The following CTNNA3 variants were observed in gnomAD, a reference collection of about 807,000 sequenced individuals.
The protein encoded by CTNNA3 is catenin alpha-3.
CTNNA3 carries 76 observed loss-of-function variants against 95.7 expected under a neutral mutation model. The observed-to-expected ratio is 0.79, with a 90% CI of 0.66 to 0.96. CTNNA3 has a LOEUF of 0.96. CTNNA3 is among the 40% of genes least tolerant of loss of function. The pLI is 0.00. For synonymous variants in CTNNA3, 431 were observed against 374.4 expected, an observed-to-expected ratio of 1.15 and a Z score of -1.74; for missense variants, 1,191 against 1,089.8, an observed-to-expected ratio of 1.09 and a Z score of -1.31.
chr10:67,383,388 C>T (rs1403054653), intron 5 of CTNNA3, among the ~76,000 whole-genome samples: 1 of 152,088 alleles, frequency 6.6e-6, no homozygotes, highest in Non-Finnish European at 1.5e-5. Context: ...AAAGTATTGC[C>T]ATACCCATCT....
chr10:66,334,522 G>A (rs1490072168), intron 12 of CTNNA3, among the ~76,000 whole-genome samples: 1 of 151,884 alleles, frequency 6.6e-6, no homozygotes, highest in Non-Finnish European at 1.5e-5. Flanking sequence ...GAAATTCTGG[G>A]TTGAAAATTC....
intron 9 of CTNNA3, among the ~76,000 whole-genome samples, chr10:66,690,929 A>C (rs890339061): frequency 1.3e-5 from 2 of 152,198 alleles, no homozygotes; most frequent in Non-Finnish European, 2.9e-5. Flanking sequence ...ACTAGTTTGC[A>C]GTCCCACCAA....
intron 5 of CTNNA3, among the ~76,000 whole-genome samples, chr10:67,463,663 G>T (rs1191357569): frequency 6.6e-6 from 1 of 152,010 alleles, no homozygotes; most frequent in African/African-American, 2.4e-5. Context: ...TATAAATAAG[G>T]TTTATTTAAA....
At chr10:67,074,275 C>G (rs555517936) in intron 7 of CTNNA3, among the ~76,000 whole-genome samples, 68 of 151,376 alleles carry the variant, frequency 4.5e-4, no homozygotes, top group Middle Eastern at 3.4e-3. Context: ...CATGATCTGC[C>G]CGCCTTGGCC....
chr10:66,340,573 A>G (rs1033175797), intron 12 of CTNNA3, among the ~76,000 whole-genome samples: 2 of 151,792 alleles, frequency 1.3e-5, no homozygotes, highest in African/African-American at 2.4e-5. Flanking sequence ...TTCTATTCTA[A>G]TAAGATTCAT....
intron 7 of CTNNA3, among the ~76,000 whole-genome samples, chr10:66,902,611 T>A (rs1845801113): frequency 6.6e-6 from 1 of 151,880 alleles, no homozygotes; most frequent in African/African-American, 2.4e-5. Context: ...TTTGAAAAGA[T>A]CAACAAAATT....
chr10:67,258,005 ATGTG>A (rs1272070352), intron 5 of CTNNA3, among the ~76,000 whole-genome samples: 1 of 152,212 alleles, frequency 6.6e-6, no homozygotes, highest in Non-Finnish European at 1.5e-5. Context: ...TAAGGGCCTA[ATGTG>A]TGTGTCAGAC....
chr10:66,927,212 A>G lies in CTNNA3; in HGVS notation c.1048-151688T>C, dbSNP rs751097102. ...TACCTTGACCATAACCATATCAGCA[A>G]TATTGACGAAAATGCTTTTAATGGA... On this transcript the variant is annotated intron_variant, in intron 7 of 17. Transcript: ENST00000433211. The surrounding 1 kb of genome is among the most constrained non-coding windows in gnomAD (Gnocchi z 4.7). 3 of 1,614,218 alleles carry G rather than the reference A, an allele frequency of 1.9e-6. No individual in the cohort carries two copies. Among genetic ancestry groups the G allele is most frequent in the Non-Finnish European group, 2.5e-6 (3 of 1,180,036 alleles).
At chr10:67,302,024 AAAGAAAGAAAG>A (rs1840327752) in intron 5 of CTNNA3, among the ~76,000 whole-genome samples, 1 of 40,102 alleles carries the variant, frequency 2.5e-5, no homozygotes, top group Non-Finnish European at 4.3e-5. Flanking sequence ...AGAAAGAAAG[AAAGAAAGAAAG>A]AAAGAAAGAA....
chr10:67,705,903 C>T (rs556554328), intron 1 of CTNNA3, among the ~76,000 whole-genome samples: 8 of 151,868 alleles, frequency 5.3e-5, no homozygotes, highest in Admixed American at 1.3e-4. Flanking sequence ...TTAACTAGAG[C>T]GAAGTCTGGT....
At chr10:67,258,711 G>A (rs1866460465) in intron 5 of CTNNA3, among the ~76,000 whole-genome samples, 1 of 152,040 alleles carries the variant, frequency 6.6e-6, no homozygotes. Flanking sequence ...TTAAAAATTA[G>A]TCACTTTCTC....
At chr10:67,559,730 A>G (rs1301460357) in intron 3 of CTNNA3, among the ~76,000 whole-genome samples, 2 of 152,176 alleles carry the variant, frequency 1.3e-5, no homozygotes, top group Non-Finnish European at 2.9e-5. Context: ...AAGAAGTTAA[A>G]AACTTTGAAA....
intron 7 of CTNNA3, among the ~76,000 whole-genome samples, chr10:66,963,934 C>T (rs897907624): frequency 6.6e-6 from 1 of 151,932 alleles, no homozygotes; most frequent in Non-Finnish European, 1.5e-5. Flanking sequence ...CCTCCAACTC[C>T]CTGGTTCAAG....
chr10:66,785,688 G>T (rs1840713256), intron 7 of CTNNA3, among the ~76,000 whole-genome samples: 1 of 152,130 alleles, frequency 6.6e-6, no homozygotes, highest in Non-Finnish European at 1.5e-5. Flanking sequence ...AAGTTCTCCA[G>T]CTTGCACACA....
intron 12 of CTNNA3, among the ~76,000 whole-genome samples, chr10:66,293,399 T>C (rs1045220280): frequency 2.0e-5 from 3 of 151,352 alleles, no homozygotes; most frequent in Non-Finnish European, 4.4e-5. Flanking sequence ...AAAAGTAGAG[T>C]TGAGATTGTA....
At chr10:66,265,558 C>A (rs995240519) in intron 13 of CTNNA3, among the ~76,000 whole-genome samples, 1 of 152,050 alleles carries the variant, frequency 6.6e-6, no homozygotes, top group Non-Finnish European at 1.5e-5. Flanking sequence ...CCACTCTACT[C>A]CTCCATTCAG....
chr10:67,391,016 T>C (rs1033397689), intron 5 of CTNNA3, among the ~76,000 whole-genome samples: 5 of 152,178 alleles, frequency 3.3e-5, no homozygotes, highest in South Asian at 2.1e-4. Flanking sequence ...TGCCCTCTCT[T>C]ACCACTCCTA....
chr10:67,133,743 T>C (rs571160878), intron 7 of CTNNA3, among the ~76,000 whole-genome samples: 36 of 152,174 alleles, frequency 2.4e-4, no homozygotes, highest in South Asian at 1.0e-3. Flanking sequence ...TTCTAATACA[T>C]GGAAAAGACC....
chr10:66,877,470 A>G (rs1564739580), intron 7 of CTNNA3, among the ~76,000 whole-genome samples: 1 of 152,140 alleles, frequency 6.6e-6, no homozygotes. Context: ...TCTTTCACCA[A>G]TGCCTGCTGC....
Sources: gnomAD v4.1 joint callset for allele counts (sites outside exome capture counted in the v4.1 genomes callset) on GRCh38, gnomAD v4.1.1 for gene constraint, Gnocchi (gnomAD v3.1) non-coding constraint, MANE v1.5 for transcripts, NCBI Gene and HGNC (gene_info 2026-07-23, HGNC 2026-07-21) for gene names.